Variants in APBB2 observed in about 807,000 individuals in gnomAD.
APBB2 encodes Fe65-like 1.
APBB2 carries 38 observed loss-of-function variants against 82.5 expected under a neutral mutation model. The ratio of observed to expected loss-of-function variants is 0.46; its 90% CI spans 0.36 to 0.60. The LOEUF is 0.60. Among genes scored for constraint, APBB2 ranks in the 20% least tolerant of loss-of-function variants. APBB2 has a pLI of 0.00. For missense variants in APBB2, 772 were observed against 972.3 expected (o/e 0.79, Z 2.74); for synonymous variants, 341 against 368.2 (o/e 0.93, Z 0.85).
chr4:41,008,956 T>G (rs1403255694), intron 6 of APBB2, among the ~76,000 whole-genome samples: 1 of 152,256 alleles, frequency 6.6e-6, no homozygotes, highest in African/African-American at 2.4e-5. Flanking sequence ...ATGAATCTGA[T>G]TTTGAAACAG....
intron 12 of APBB2, among the ~76,000 whole-genome samples, chr4:40,876,971 G>A (rs966835300): frequency 6.6e-6 from 1 of 152,194 alleles, no homozygotes; most frequent in African/African-American, 2.4e-5. Context: ...AGGTATTAAG[G>A]AGGTAGACTC....
chr4:40,812,810 G>A lies in APBB2; in HGVS notation c.*3282C>T, dbSNP rs1330196835. 1 of 152,188 alleles carries A rather than the reference G, an allele frequency of 6.6e-6. No individual in the cohort carries two copies. Among genetic ancestry groups the A allele is most frequent in the Non-Finnish European group, 1.5e-5 (1 of 68,034 alleles). 9.4% of individuals were successfully genotyped at this position (152,188 alleles called of 1,614,324 possible). On this transcript the variant is annotated 3_prime_UTR_variant, in exon 18 of 18. Coordinates refer to ENST00000508593, the MANE Select transcript of APBB2 (RefSeq NM_004307.2). ...ACCAAGAACTTATTTTAATGGAAAT[G>A]GGTCTAATGTCCCTTCATGCAACAA... is the stretch of plus-strand genomic sequence containing the variant.
At chr4:40,819,782 C>T (rs1747157955) in intron 17 of APBB2, among the ~76,000 whole-genome samples, 1 of 152,040 alleles carries the variant, frequency 6.6e-6, no homozygotes, top group Non-Finnish European at 1.5e-5. Context: ...TTCCCAGTTA[C>T]TTCTCAATCC....
chr4:41,161,464 G>A (rs1016580592), intron 1 of APBB2, among the ~76,000 whole-genome samples: 3 of 152,090 alleles, frequency 2.0e-5, no homozygotes, highest in Non-Finnish European at 2.9e-5. Context: ...AAATAAGCTG[G>A]GTGTAGTGGC....
chr4:41,180,829 A>T (rs1771132765), intron 1 of APBB2, among the ~76,000 whole-genome samples: 1 of 152,162 alleles, frequency 6.6e-6, no homozygotes. Context: ...CATTAAGAAA[A>T]GCTTCTCCTG....
intron 12 of APBB2, among the ~76,000 whole-genome samples, chr4:40,833,052 A>G (rs1371629607): frequency 6.6e-6 from 1 of 152,188 alleles, no homozygotes; most frequent in Non-Finnish European, 1.5e-5. Context: ...ACCACCATCA[A>G]GGCAACACAT....
intron 6 of APBB2, among the ~76,000 whole-genome samples, chr4:40,963,284 T>C (rs2154394538): frequency 6.6e-6 from 1 of 152,292 alleles, no homozygotes; most frequent in African/African-American, 2.4e-5. Context: ...TTGCTCTCTG[T>C]TGCCCAGGCC....
intron 5 of APBB2, among the ~76,000 whole-genome samples, chr4:41,024,211 A>G (rs1396587014): frequency 6.6e-6 from 1 of 152,190 alleles, no homozygotes; most frequent in Non-Finnish European, 1.5e-5. Context: ...TAAATGTACA[A>G]CCCCAAACTA....
chr4:40,954,233 CAGGA>C (rs1790982651), intron 6 of APBB2, among the ~76,000 whole-genome samples: 1 of 152,198 alleles, frequency 6.6e-6, no homozygotes, highest in Admixed American at 6.5e-5. Context: ...GCGGAGGGCA[CAGGA>C]AGGAGGAAGG....
chr4:40,868,929 A>C (rs1292279444), intron 12 of APBB2, among the ~76,000 whole-genome samples: 3 of 152,220 alleles, frequency 2.0e-5, no homozygotes, highest in Admixed American at 6.5e-5. Context: ...TCACACATGC[A>C]CATGAAAAGC....
rs1189032940 is a variant in APBB2, at chr4:40,830,510, T to C, written c.1597A>G (p.Thr533Ala). 1.9e-6 allele frequency: 3 copies of C among 1,614,198 alleles called. No homozygotes were observed. Among genetic ancestry groups the C allele is most frequent in the Non-Finnish European group, 2.5e-6 (3 of 1,180,024 alleles). The change falls in exon 13 of 18, where the codon ACA becomes GCA. Residue 533 changes from threonine to alanine, a missense_variant. Physicochemically the swap from Thr to Ala is moderately conservative, Grantham distance 58. Coordinates refer to ENST00000508593, the MANE Select transcript of APBB2 (RefSeq NM_004307.2). ...CTTGTGGCAATGGCTTTTGCTGGTGTGTCACATCGAAATACATGACATTTC... is the reference window on the plus strand; with the variant it reads ...CTTGTGGCAATGGCTTTTGCTGGTGCGTCACATCGAAATACATGACATTTC... Reference protein sequence around the residue: ...ILKCHVFRCDTPAKAIATSLH... With the variant: ...ILKCHVFRCDAPAKAIATSLH...
At chr4:40,956,407 C>G (rs1224839293) in intron 6 of APBB2, among the ~76,000 whole-genome samples, 1 of 152,178 alleles carries the variant, frequency 6.6e-6, no homozygotes, top group Non-Finnish European at 1.5e-5. Context: ...CCCAAAGTGT[C>G]CAAAATTTGG....
chr4:40,949,539 G>T (rs767878899), intron 6 of APBB2, among the ~76,000 whole-genome samples: 14 of 152,094 alleles, frequency 9.2e-5, no homozygotes, highest in Non-Finnish European at 1.8e-4. Context: ...ATACTGCAAA[G>T]CCGCTTAATG....
intron 6 of APBB2, among the ~76,000 whole-genome samples, chr4:40,953,131 C>T (rs931275277): frequency 6.6e-6 from 1 of 151,764 alleles, no homozygotes; most frequent in Non-Finnish European, 1.5e-5. Flanking sequence ...CCCATCTCTA[C>T]TAAAAATACA....
intron 5 of APBB2, among the ~76,000 whole-genome samples, chr4:41,030,241 G>A (rs1292674754): frequency 6.6e-6 from 1 of 152,100 alleles, no homozygotes; most frequent in Admixed American, 6.5e-5. Context: ...TTCCAGATGG[G>A]GGAAAGCTTG....
intron 10 of APBB2, among the ~76,000 whole-genome samples, chr4:40,919,560 G>A (rs1487748604): frequency 6.6e-6 from 1 of 152,186 alleles, no homozygotes; most frequent in East Asian, 1.9e-4. Flanking sequence ...ATGATTCCCA[G>A]GCTCAGAGAA....
intron 6 of APBB2, among the ~76,000 whole-genome samples, chr4:40,981,520 T>G (rs1231835469): frequency 6.6e-6 from 1 of 152,182 alleles, no homozygotes; most frequent in Non-Finnish European, 1.5e-5. Flanking sequence ...TTAGTACAGA[T>G]AATTAAGCAT....
In APBB2 at chr4:41,125,083, G is replaced by A. The variant is rs6838484; in HGVS notation, c.-261+17904C>T. ...CACCCTGTTGTGTGGGCCCTGGAAT[G>A]AGAACTATTTTGATTGCAGGTGCTG... On this transcript the variant is annotated intron_variant, in intron 2 of 17. Transcript: ENST00000508593. 3.8e-3 allele frequency among the ~76,000 whole-genome samples: 580 copies of A among 152,334 alleles called. 5 individuals are homozygous for A. The highest frequency in any genetic ancestry group is 0.013 in the African/African-American group (543 of 41,580).
chr4:41,013,536 TAA>T (rs75237991), intron 6 of APBB2, 45 bp downstream of exon 6: 31,182 of 1,223,996 alleles, frequency 0.025, 666 homozygotes, highest in African/African-American at 0.14. Context: ...GTTGAAAAGA[TAA>T]AAAAAAAAAA....
Sources: allele counts gnomAD v4.1 joint callset (sites outside exome capture counted in the v4.1 genomes callset), GRCh38; gene constraint gnomAD v4.1.1; transcripts MANE v1.5; gene names NCBI Gene and HGNC (gene_info 2026-07-23, HGNC 2026-07-21).